MID2: variants seen among roughly 807,000 people sequenced by gnomAD.
MID2 encodes the protein probable E3 ubiquitin-protein ligase MID2.
In MID2, 13 loss-of-function variants were observed where a neutral mutation model predicts 46.1. That is an observed-to-expected ratio of 0.28 (90% CI 0.18 to 0.45). The LOEUF (loss-of-function observed/expected upper bound fraction) is 0.45. MID2 is among the 20% of genes least tolerant of loss of function. The pLI is 1.00. For missense variants in MID2, 431 were observed against 575.4 expected, an observed-to-expected ratio of 0.75 and a Z score of 2.57; for synonymous variants, 199 against 212.3, an observed-to-expected ratio of 0.94 and a Z score of 0.55.
chrX:107,826,455 C>T (rs1288261546), intron 1 of MID2, 25 bp downstream of exon 1: 4 of 1,132,243 alleles, frequency 3.5e-6, no homozygotes, highest in Middle Eastern at 3.0e-4. Flanking sequence ...CTCGCCGCGG[C>T]CCTGGAGGTC....
At chrX:107,906,050 C>A (rs1932833163) in intron 5 of MID2, among the ~76,000 whole-genome samples, 2 of 111,787 alleles carry the variant, frequency 1.8e-5, no homozygotes, top group Non-Finnish European at 3.8e-5. Flanking sequence ...ATCACTCACC[C>A]CTTTCTAAAT....
At chrX:107,852,990 A>G (rs1483246568) in intron 2 of MID2, among the ~76,000 whole-genome samples, 1 of 111,437 alleles carries the variant, frequency 9.0e-6, no homozygotes, top group African/African-American at 3.3e-5. Context: ...AACAGACTTT[A>G]TGGGGTATTG....
intron 5 of MID2, among the ~76,000 whole-genome samples, chrX:107,912,629 T>C (rs1158275854): frequency 1.8e-5 from 2 of 111,781 alleles, no homozygotes; most frequent in East Asian, 2.8e-4. Flanking sequence ...TCTTTGTGAT[T>C]GTGTCTTAGG....
intron 6 of MID2, 82 bp from the exon 7 acceptor site, chrX:107,917,424 G>A: frequency 1.3e-6 from 1 of 756,809 alleles, no homozygotes; most frequent in Non-Finnish European, 2.0e-6. Context: ...GAGATGTTGG[G>A]TTACGCAGGA....
intron 7 of MID2, among the ~76,000 whole-genome samples, chrX:107,918,100 T>G (rs1933004116): frequency 8.9e-6 from 1 of 112,094 alleles, no homozygotes; most frequent in African/African-American, 3.2e-5. Flanking sequence ...TCAGTGAATA[T>G]GGTGACAAGC....
chrX:107,885,972 T>C (rs1315988008), intron 3 of MID2, among the ~76,000 whole-genome samples: 1 of 112,077 alleles, frequency 8.9e-6, no homozygotes, highest in Non-Finnish European at 1.9e-5. Flanking sequence ...TGGGGTTATT[T>C]GTTTTTTTCT....
chrX:107,826,056 G>C lies in MID2; in HGVS notation c.-371G>C, dbSNP rs1263103074. On this transcript the variant is annotated 5_prime_UTR_variant, in exon 1 of 10. Coordinates refer to ENST00000262843, the MANE Select transcript of MID2 (RefSeq NM_012216.4). ...CCCCCACTCCGCCTCCCTTTTGGAA[G>C]GGATTGCCTTTTTTTTCCTCTGCGG... The C allele has an allele frequency of 3.4e-6, 1 of 293,811 alleles. No individual in the cohort carries two copies. The highest frequency in any genetic ancestry group is 2.8e-5 in the African/African-American group (1 of 36,308). The allele number at this position is 293,811 out of a possible 1,213,427, so 24.2% of individuals were successfully genotyped here.
At chrX:107,864,188 C>T (rs1366636021) in intron 3 of MID2, among the ~76,000 whole-genome samples, 3 of 111,477 alleles carry the variant, frequency 2.7e-5, no homozygotes, top group Non-Finnish European at 5.7e-5. Context: ...TCCAGAAAAC[C>T]CTTTGTTTTT....
intron 1 of MID2, among the ~76,000 whole-genome samples, chrX:107,834,036 T>C (rs758425628): frequency 1.8e-5 from 2 of 111,498 alleles, no homozygotes; most frequent in African/African-American, 6.5e-5. Flanking sequence ...TCAAGCAATC[T>C]GCCTGCCTCT....
chrX:107,880,463 G>T (rs1932295102), intron 3 of MID2, among the ~76,000 whole-genome samples: 1 of 110,990 alleles, frequency 9.0e-6, no homozygotes. Flanking sequence ...GGTGGGAGTG[G>T]TTAGTCATTG....
At position 107,833,437 on chromosome X, in the gene MID2, T is replaced by TA. The variant is rs1556356838; in HGVS notation, c.4+7012dup. 2.5e-3 allele frequency among the ~76,000 whole-genome samples: 274 copies of TA among 107,681 alleles called. 2 individuals carry two copies. The highest frequency in any genetic ancestry group is 8.6e-3 in the African/African-American group (256 of 29,646). 93.5% of individuals were successfully genotyped at this position (107,681 alleles called of 115,157 possible). ...TATATATATATATATATATTTTTTT[T>TA]AAAAACCTACAGCTCAGCTCATTTC... On this transcript the variant is annotated intron_variant, in intron 1 of 9. Coordinates refer to ENST00000262843, the MANE Select transcript of MID2 (RefSeq NM_012216.4).
At position 107,826,045 on chromosome X, in the gene MID2, C is replaced by T. The variant is rs1347842542; in HGVS notation, c.-382C>T. The T allele has an allele frequency of 6.8e-6, 2 of 293,136 alleles. No homozygotes were observed. Among genetic ancestry groups the T allele is most frequent in the Non-Finnish European group, 5.9e-6 (1 of 168,309 alleles). 24.2% of individuals were successfully genotyped at this position (293,136 alleles called of 1,213,427 possible). ...AGCCCCGTTTGCCCCCACTCCGCCT[C>T]CCTTTTGGAAGGGATTGCCTTTTTT... On this transcript the variant is annotated 5_prime_UTR_variant, in exon 1 of 10. Transcript: ENST00000262843.
At chrX:107,827,748 C>T (rs1467952271) in intron 1 of MID2, among the ~76,000 whole-genome samples, 1 of 100,311 alleles carries the variant, frequency 1.0e-5, no homozygotes, top group Non-Finnish European at 2.0e-5. Context: ...CCTGCCCACC[C>T]CCGACCCTCA....
At chrX:107,849,477 G>GA (rs530854850) in intron 2 of MID2, among the ~76,000 whole-genome samples, 38 of 103,175 alleles carry the variant, frequency 3.7e-4, no homozygotes, top group Admixed American at 6.3e-4. Context: ...CTAGAGAAGT[G>GA]AAAAAAAAAA....
intron 3 of MID2, among the ~76,000 whole-genome samples, chrX:107,865,764 C>T (rs5962903): frequency 0.3 from 33,961 of 111,906 alleles, 7,031 homozygotes; most frequent in African/African-American, 0.76. Flanking sequence ...AAAACAATCA[C>T]TGGCTTTGGA....
chrX:107,925,095 A>G (rs1356097176), intron 8 of MID2, among the ~76,000 whole-genome samples: 1 of 111,808 alleles, frequency 8.9e-6, no homozygotes, highest in Non-Finnish European at 1.9e-5. Flanking sequence ...ATGTCATATT[A>G]CCTCTCAAGA....
chrX:107,867,365 G>T (rs1251509051), intron 3 of MID2, among the ~76,000 whole-genome samples: 2 of 96,305 alleles, frequency 2.1e-5, no homozygotes, highest in South Asian at 9.6e-4. Context: ...GTTTCACCTT[G>T]TTGGCCAGGA....
chrX:107,917,552 T>C lies in MID2; in HGVS notation c.1248T>C (p.His416=). The C allele has an allele frequency of 8.3e-7, 1 of 1,211,373 alleles. No individual in the cohort carries two copies. The highest frequency in any genetic ancestry group is 1.1e-6 in the Non-Finnish European group (1 of 895,263). ...SIREELCTAS[H]DTITVHWISD... ...GAGAAGAACTCTGTACTGCCTCCCA[T>C]GACACCATTACAGTCCACTGGATCT... The change falls in exon 7 of 10, where the codon CAT becomes CAC. Residue 416 remains histidine (H), a synonymous_variant. Transcript: ENST00000262843.
At chrX:107,839,910 T>C (rs1323209298) in intron 1 of MID2, among the ~76,000 whole-genome samples, 1 of 112,250 alleles carries the variant, frequency 8.9e-6, no homozygotes, top group Non-Finnish European at 1.9e-5. Flanking sequence ...CAGCAACTAT[T>C]GCTGAGTAGG....
Sources: allele counts gnomAD v4.1 joint callset (sites outside exome capture counted in the v4.1 genomes callset), GRCh38; gene constraint gnomAD v4.1.1; transcripts MANE v1.5; gene names NCBI Gene and HGNC (gene_info 2026-07-23, HGNC 2026-07-21).